Variants in TACO1 observed in about 807,000 individuals in gnomAD.
The protein encoded by TACO1 is translational activator of cytochrome c oxidase I, also known as translational activator of cytochrome c oxidase 1.
A neutral mutation model predicts 24.0 loss-of-function variants in TACO1; 13 were observed. The ratio of observed to expected loss-of-function variants is 0.54; its 90% confidence interval spans 0.35 to 0.86. The LOEUF (loss-of-function observed/expected upper bound fraction) is 0.86. TACO1 is among the 40% of genes least tolerant of loss of function. TACO1 has a pLI of 0.01. For synonymous variants in TACO1, 149 were observed against 153.5 expected, an observed-to-expected ratio of 0.97 and a Z score of 0.22; for missense variants, 352 against 380.1, an observed-to-expected ratio of 0.93 and a Z score of 0.61.
chr17:63,604,624 C>G lies in TACO1; in HGVS notation c.371C>G (p.Thr124Arg), dbSNP rs2033849094. The G allele has an allele frequency of 6.2e-7, 1 of 1,614,026 alleles. No homozygotes were observed. The highest frequency in any genetic ancestry group is 8.5e-7 in the Non-Finnish European group (1 of 1,179,904). ...CATATGCCCAAGTCAACGATTGAGA[C>G]AGCACTGAAAATGGAGGTGTGTACT... ...SKHMPKSTIE[T>R]ALKMEKSKDT... is the part of the protein sequence containing the mutation. The change falls in exon 2 of 5, where the codon ACA (threonine) becomes AGA (arginine). Residue 124 changes from threonine (T) to arginine (R), a missense_variant. Transcript: ENST00000258975.
chr17:63,607,026 A>T, intron 3 of TACO1: 1 of 548,326 alleles, frequency 1.8e-6, no homozygotes, highest in Non-Finnish European at 3.3e-6. Context: ...CAGGACTGGC[A>T]TCTTAATGGC....
Position 63,608,194 on chromosome 17 carries a change from T to G in TACO1, c.*192T>G, listed in dbSNP as rs1300531805. On this transcript the variant is annotated 3_prime_UTR_variant, in exon 5 of 5. Coordinates refer to ENST00000258975, the MANE Select transcript of TACO1 (RefSeq NM_016360.4). The stretch of plus-strand genomic sequence containing the variant: ...GGCCTCCTTGTCAGCTCTGCTGCTG[T>G]CTCAGAGCCATCTGGATGAGTGTCC... 3.0e-6 allele frequency: 2 copies of G among 667,208 alleles called. No homozygotes were observed. The highest frequency in any genetic ancestry group is 5.3e-6 in the Non-Finnish European group (2 of 375,764). The allele number at this position is 667,208 out of a possible 1,614,324, so 41.3% of individuals were successfully genotyped here.
chr17:63,607,776 A>G, intron 4 of TACO1, 26 bp from the exon 5 acceptor site: 1 of 1,609,400 alleles, frequency 6.2e-7, no homozygotes, highest in Non-Finnish European at 8.5e-7. Flanking sequence ...CTGGCTCCTC[A>G]CCTCCTGACT....
intron 3 of TACO1, 30 bp downstream of exon 3, chr17:63,606,470 G>C (rs774332971): frequency 3.7e-6 from 6 of 1,613,670 alleles, no homozygotes; most frequent in Non-Finnish European, 4.2e-6. Context: ...GAGTGGTAGG[G>C]GACAGAGCCT....
rs2033879717 is a variant in TACO1, at chr17:63,608,324, A to G, written c.*322A>G. The G allele has an allele frequency of 4.7e-6, 2 of 422,650 alleles. No individual in the cohort carries two copies. Among genetic ancestry groups the G allele is most frequent in the African/African-American group, 4.0e-5 (2 of 49,434 alleles). 26.2% of individuals were successfully genotyped at this position (422,650 alleles called of 1,614,324 possible). A position where few individuals can be genotyped will look rare whatever the true frequency, so the allele number is the denominator to read the frequency against. On this transcript the variant is annotated 3_prime_UTR_variant, in exon 5 of 5. Transcript: ENST00000258975. ...TAAGTGCCCTGAGGCGCTCTGTACT[A>G]GAAACTGCTCTTAATAATAACGGTG...
chr17:63,607,622 G>A (rs1290791901), intron 4 of TACO1, among the ~76,000 whole-genome samples, 158 bp downstream of exon 4: 3 of 152,112 alleles, frequency 2.0e-5, no homozygotes, highest in Admixed American at 6.5e-5. Context: ...GAATAGGACC[G>A]ACTCTAGTGA....
chr17:63,601,450 T>A, intron 1 of TACO1, 87 bp downstream of exon 1: 1 of 1,432,294 alleles, frequency 7.0e-7, no homozygotes, highest in Non-Finnish European at 9.6e-7. Flanking sequence ...TGGGCCCACC[T>A]AGATCTCCGG....
At position 63,607,460 on chromosome 17, in the gene TACO1, TTAAAG is replaced by T. The variant is rs749146928; in HGVS notation, c.693_693+4del. 1.2e-6 allele frequency: 2 copies of T among 1,614,018 alleles called. No individual in the cohort carries two copies. Among genetic ancestry groups the T allele is most frequent in the African/African-American group, 2.7e-5 (2 of 74,902 alleles). Reference sequence around the variant, plus strand: ...GAAGATGAAGAAGAAAGGAACGTTTTTAAAGTAAGCATGAAAACATGGGTGTTTGG... The same window carrying T: ...GAAGATGAAGAAGAAAGGAACGTTTTTAAGCATGAAAACATGGGTGTTTGG... On this transcript the variant is annotated splice_donor_variant and coding_sequence_variant, in exon 4 of 5. Coordinates refer to ENST00000258975, the MANE Select transcript of TACO1 (RefSeq NM_016360.4). LOFTEE classifies it high-confidence loss of function.
intron 1 of TACO1, among the ~76,000 whole-genome samples, chr17:63,603,431 C>T (rs183725032): frequency 6.6e-6 from 1 of 152,102 alleles, no homozygotes; most frequent in Non-Finnish European, 1.5e-5. Context: ...TCTGGCCAGG[C>T]ACGGTGCCTC....
Position 63,607,986 on chromosome 17 carries a change from A to G in TACO1, c.878A>G (p.Tyr293Cys). 1.2e-6 allele frequency: 2 copies of G among 1,614,184 alleles called. No individual in the cohort carries two copies. The highest frequency in any genetic ancestry group is 1.1e-5 in the South Asian group (1 of 91,080). ...AACCACGAGGATGTGATTCACGTCT[A>G]TGATAACATTGAATAACCAGGCTAC... ...LSNHEDVIHV[Y>C]DNIE The change falls in exon 5 of 5, where the codon TAT becomes TGT. Residue 293 changes from tyrosine (Y) to cysteine (C), a missense_variant. By Grantham distance (194) the Tyr-to-Cys change is radical. Coordinates refer to ENST00000258975, the MANE Select transcript of TACO1 (RefSeq NM_016360.4).
chr17:63,607,378 C>T lies in TACO1; in HGVS notation c.607C>T (p.Leu203=). ...VEDREKKAVN[L]ERALEMAIEA... is the part of the protein sequence containing the mutation. ...GGACAGAGAGAAGAAGGCTGTGAAC[C>T]TAGAGCGTGCCCTGGAGATGGCAAT... Residue 203 remains leucine, a synonymous_variant, in exon 4 of 5, where the codon CTA becomes TTA. Coordinates refer to ENST00000258975, the MANE Select transcript of TACO1 (RefSeq NM_016360.4). 6.2e-7 allele frequency: 1 copy of T among 1,614,190 alleles called. No homozygotes were observed. The highest frequency in any genetic ancestry group is 8.5e-7 in the Non-Finnish European group (1 of 1,180,032).
chr17:63,603,144 G>A (rs1381314106), intron 1 of TACO1, among the ~76,000 whole-genome samples: 1 of 152,104 alleles, frequency 6.6e-6, no homozygotes, highest in South Asian at 2.1e-4. Context: ...GCTGAGGCAG[G>A]AGAATGGCGT....
chr17:63,607,940 C>T lies in TACO1; in HGVS notation c.832C>T (p.His278Tyr). 6.2e-7 allele frequency: 1 copy of T among 1,614,226 alleles called. No homozygotes were observed. Residue 278 changes from histidine (H) to tyrosine (Y), a missense_variant, in exon 5 of 5, where the codon CAT becomes TAT. Physicochemically the swap from His to Tyr is moderately conservative, Grantham distance 83. Coordinates refer to ENST00000258975, the MANE Select transcript of TACO1 (RefSeq NM_016360.4). ...TGAGCCCGACCTGGAACAGGCCGCA[C>T]ATCTCATTCAGGCTCTCAGCAACCA... ...LAEPDLEQAA[H>Y]LIQALSNHED...
intron 1 of TACO1, among the ~76,000 whole-genome samples, chr17:63,601,919 G>A (rs2033824379): frequency 6.6e-6 from 1 of 151,826 alleles, no homozygotes; most frequent in Non-Finnish European, 1.5e-5. Context: ...TTTCTGTTTA[G>A]GGCCAGACAT....
intron 2 of TACO1, among the ~76,000 whole-genome samples, chr17:63,605,614 A>G (rs768472572): frequency 1.3e-5 from 2 of 152,214 alleles, no homozygotes; most frequent in Non-Finnish European, 2.9e-5. Context: ...CCTGTGCTCT[A>G]ACCGTTATGC....
rs1161271271 is a variant in TACO1 at position 63,601,185 on chromosome 17, C to T, written c.102C>T (p.Pro34=). The T allele has an allele frequency of 1.9e-6, 3 of 1,554,688 alleles. No individual in the cohort carries two copies. The Admixed American group carries it at 5.8e-5, about 30-fold the overall frequency. ...CGGCTCCTCCGCGCGACCCCCGGCCCTCCCACCCCGAGCCCCGGGGCTGCG... is the reference window on the plus strand; with the variant it reads ...CGGCTCCTCCGCGCGACCCCCGGCCTTCCCACCCCGAGCCCCGGGGCTGCG... ...VRAAPPRDPR[P]SHPEPRGCGA... Residue 34 remains proline, a synonymous_variant, in exon 1 of 5, where the codon CCC becomes CCT. Transcript: ENST00000258975.
chr17:63,603,364 A>G (rs2147787092), intron 1 of TACO1, among the ~76,000 whole-genome samples: 1 of 152,336 alleles, frequency 6.6e-6, no homozygotes, highest in South Asian at 2.1e-4. Flanking sequence ...CACAAAGTAG[A>G]GATCGCTGAA....
At chr17:63,603,008 G>A (rs188357951) in intron 1 of TACO1, among the ~76,000 whole-genome samples, 189 of 152,102 alleles carry the variant, frequency 1.2e-3, no homozygotes, top group South Asian at 4.4e-3. Context: ...GGCTGAGGCC[G>A]GCGGATCACG....
intron 1 of TACO1, among the ~76,000 whole-genome samples, chr17:63,603,320 GTGT>G (rs1413737259): frequency 6.6e-6 from 1 of 152,182 alleles, no homozygotes; most frequent in African/African-American, 2.4e-5. Context: ...AGTCCAGGAA[GTGT>G]TGTTACCATC....
Sources: allele counts gnomAD v4.1 joint callset (sites outside exome capture counted in the v4.1 genomes callset), GRCh38; gene constraint gnomAD v4.1.1; transcripts MANE v1.5; gene names NCBI Gene and HGNC (gene_info 2026-07-23, HGNC 2026-07-21).